Variants in SUFU observed in about 807,000 individuals in gnomAD.
The protein encoded by SUFU is suppressor of fused homolog.
In SUFU, 7 loss-of-function variants were observed where a neutral mutation model predicts 58.9. The observed-to-expected ratio is 0.12, with a 90% CI of 0.07 to 0.22. SUFU has a LOEUF of 0.22. Among genes scored for constraint, SUFU ranks in the 10% least tolerant of loss-of-function variants. The pLI is 1.00. For synonymous variants in SUFU, 232 were observed against 254.8 expected, an observed-to-expected ratio of 0.91 and a Z score of 0.85; for missense variants, 451 against 641.3, an observed-to-expected ratio of 0.70 and a Z score of 3.20.
At chr10:102,543,580 T>C (rs575279493) in intron 2 of SUFU, among the ~76,000 whole-genome samples, 27 of 152,304 alleles carry the variant, frequency 1.8e-4, no homozygotes, top group African/African-American at 6.5e-4. Flanking sequence ...TAGCAGTTAC[T>C]CCCAATTCAT....
intron 3 of SUFU, among the ~76,000 whole-genome samples, chr10:102,569,256 C>T (rs1196726212): frequency 3.9e-5 from 6 of 152,074 alleles, no homozygotes; most frequent in Non-Finnish European, 8.8e-5. Flanking sequence ...AGGGTGGCCC[C>T]TGCCGCGGCT....
At chr10:102,514,375 A>G (rs1304619714) in intron 2 of SUFU, among the ~76,000 whole-genome samples, 3 of 152,172 alleles carry the variant, frequency 2.0e-5, no homozygotes, top group Non-Finnish European at 2.9e-5. Context: ...GAAGAGTATG[A>G]TGATTTGATA....
At chr10:102,602,055 A>C (rs1331325762) in intron 8 of SUFU, among the ~76,000 whole-genome samples, 1 of 152,218 alleles carries the variant, frequency 6.6e-6, no homozygotes, top group East Asian at 1.9e-4. Flanking sequence ...GGTGTCAAGC[A>C]CTTGCTCTTT....
intron 6 of SUFU, among the ~76,000 whole-genome samples, chr10:102,596,901 C>T (rs796705785): frequency 2.0e-5 from 3 of 152,096 alleles, no homozygotes; most frequent in South Asian, 4.1e-4. Flanking sequence ...TTGGGATTTG[C>T]ATTCCTCCTG....
intron 8 of SUFU, among the ~76,000 whole-genome samples, chr10:102,609,776 G>A (rs141046833): frequency 5.9e-5 from 9 of 152,312 alleles, no homozygotes; most frequent in African/African-American, 2.2e-4. Flanking sequence ...CGAGAGTCAT[G>A]AAGCTGGTGT....
At position 102,617,156 on chromosome 10, in the gene SUFU, G is replaced by A; in HGVS notation, c.1158-134G>A. The stretch of plus-strand genomic sequence containing the variant: ...GATACAGTCCCCTGTTGATGGGCAG[G>A]TGGGCAGCCAGGAGGGCATGTTACC... On this transcript the variant is annotated intron_variant, in intron 9 of 11. Coordinates refer to ENST00000369902, the MANE Select transcript of SUFU (RefSeq NM_016169.4). The surrounding 1 kb of genome is among the most constrained non-coding windows in gnomAD (Gnocchi z 4.4). The A allele has an allele frequency of 4.6e-6, 5 of 1,097,520 alleles. No homozygotes were observed. In the South Asian group the frequency reaches 6.4e-5, roughly 14 times the overall value. 68.0% of individuals were successfully genotyped at this position (1,097,520 alleles called of 1,614,324 possible).
At chr10:102,534,434 A>G (rs1025601936) in intron 2 of SUFU, among the ~76,000 whole-genome samples, 8 of 152,188 alleles carry the variant, frequency 5.3e-5, no homozygotes, top group African/African-American at 1.9e-4. Flanking sequence ...CTCAAAAAAA[A>G]AGAAAGTGGA....
chr10:102,570,590 TC>T (rs2063150350), intron 3 of SUFU, among the ~76,000 whole-genome samples: 1 of 152,110 alleles, frequency 6.6e-6, no homozygotes. Flanking sequence ...TCTTCTGTGT[TC>T]CAGTCTGGTT....
intron 2 of SUFU, among the ~76,000 whole-genome samples, chr10:102,525,133 C>T (rs568382401): frequency 6.6e-5 from 10 of 152,106 alleles, no homozygotes; most frequent in East Asian, 1.9e-4. Context: ...ATTTTTGAGA[C>T]GGAGTCTCTC....
chr10:102,562,469 G>A (rs887861603), intron 3 of SUFU, among the ~76,000 whole-genome samples: 4 of 152,144 alleles, frequency 2.6e-5, no homozygotes, highest in African/African-American at 9.7e-5. Context: ...GTTGCAGTGA[G>A]CCGAGATCGC....
In SUFU at chr10:102,520,969, A is replaced by G. The variant is rs1319019324; in HGVS notation, c.317+11666A>G. Among the ~76,000 whole-genome samples the G allele has an allele frequency of 7.2e-5, 11 of 152,058 alleles. No homozygotes were observed. The East Asian group carries it at 9.6e-4, about 13-fold the overall frequency. On this transcript the variant is annotated intron_variant, in intron 2 of 11. Coordinates refer to ENST00000369902, the MANE Select transcript of SUFU (RefSeq NM_016169.4). ...GTTTTTGTGTGGACATACGTTTTCA[A>G]CTCATCTGGGTAAATCCCTAGGAAT...
At chr10:102,601,345 G>T (rs2135893782) in intron 8 of SUFU, among the ~76,000 whole-genome samples, 1 of 152,264 alleles carries the variant, frequency 6.6e-6, no homozygotes, top group South Asian at 2.1e-4. Context: ...ACCCTAACTG[G>T]GCAGTCGGGT....
At chr10:102,608,746 G>C (rs892896459) in intron 8 of SUFU, among the ~76,000 whole-genome samples, 1 of 152,140 alleles carries the variant, frequency 6.6e-6, no homozygotes, top group Non-Finnish European at 1.5e-5. Context: ...GCCAGAAGAG[G>C]GTTCTCTGGC....
At chr10:102,535,467 A>G (rs1279686096) in intron 2 of SUFU, among the ~76,000 whole-genome samples, 1 of 149,450 alleles carries the variant, frequency 6.7e-6, no homozygotes, top group Non-Finnish European at 1.5e-5. Flanking sequence ...ACCTGGTGAC[A>G]GCGTGAGACT....
At chr10:102,601,363 C>T (rs189530440) in intron 8 of SUFU, among the ~76,000 whole-genome samples, 2 of 152,268 alleles carry the variant, frequency 1.3e-5, no homozygotes, top group Admixed American at 1.3e-4. Flanking sequence ...GGTATTGGTT[C>T]TGGCCCAAGG....
At chr10:102,614,575 C>CA (rs977172945) in intron 8 of SUFU, among the ~76,000 whole-genome samples, 1 of 139,308 alleles carries the variant, frequency 7.2e-6, no homozygotes, top group Non-Finnish European at 1.6e-5. Flanking sequence ...AAAAACGAAA[C>CA]AAAAAAACAA....
chr10:102,504,954 G>A (rs1436382659), intron 1 of SUFU, among the ~76,000 whole-genome samples: 1 of 152,168 alleles, frequency 6.6e-6, no homozygotes, highest in African/African-American at 2.4e-5. Context: ...GTTTGACGGA[G>A]CAGCTCTTCC....
At chr10:102,546,312 G>T (rs2062854254) in intron 2 of SUFU, among the ~76,000 whole-genome samples, 1 of 152,078 alleles carries the variant, frequency 6.6e-6, no homozygotes, top group South Asian at 2.1e-4. Flanking sequence ...CAATAAGACA[G>T]TTAGAACCCC....
At chr10:102,560,045 A>G (rs1021181399) in intron 3 of SUFU, among the ~76,000 whole-genome samples, 2 of 152,074 alleles carry the variant, frequency 1.3e-5, no homozygotes, top group African/African-American at 4.8e-5. Context: ...GGCTGATCCA[A>G]CCCTGTGGTA....
Sources: allele counts gnomAD v4.1 joint callset (sites outside exome capture counted in the v4.1 genomes callset), GRCh38; gene constraint gnomAD v4.1.1; non-coding constraint Gnocchi (gnomAD v3.1); transcripts MANE v1.5; gene names NCBI Gene and HGNC (gene_info 2026-07-23, HGNC 2026-07-21).